The following ARHGAP22 variants were observed in gnomAD, a reference collection of about 807,000 sequenced individuals.
The protein encoded by ARHGAP22 is Rho GTPase activating protein 22.
ARHGAP22 carries 48 observed loss-of-function variants against 59.1 expected under a neutral mutation model. The observed-to-expected ratio is 0.81, with a 90% CI of 0.64 to 1.03. The LOEUF (loss-of-function observed/expected upper bound fraction) is 1.03, where lower values mean the gene tolerates loss of function less well. Among genes scored for constraint, ARHGAP22 ranks in the 50% least tolerant of loss-of-function variants. The pLI is 0.00. For synonymous variants in ARHGAP22, 445 were observed against 416.4 expected, an observed-to-expected ratio of 1.07 and a Z score of -0.84; for missense variants, 1,015 against 958.7, an observed-to-expected ratio of 1.06 and a Z score of -0.78.
intron 4 of ARHGAP22, among the ~76,000 whole-genome samples, chr10:48,462,079 C>T (rs1486731102): frequency 2.6e-5 from 4 of 152,252 alleles, no homozygotes; most frequent in Non-Finnish European, 1.5e-5. Context: ...GTGGGCTACA[C>T]CTGCTGGATA....
At chr10:48,521,855 C>T (rs954354484) in intron 3 of ARHGAP22, among the ~76,000 whole-genome samples, 1 of 152,226 alleles carries the variant, frequency 6.6e-6, no homozygotes, top group Non-Finnish European at 1.5e-5. Context: ...ACCTCCAATC[C>T]ACCTGACTTA....
intron 1 of ARHGAP22, among the ~76,000 whole-genome samples, chr10:48,638,442 T>C (rs2061914349): frequency 6.6e-6 from 1 of 152,052 alleles, no homozygotes; most frequent in South Asian, 2.1e-4. Flanking sequence ...TGAAGGGCCC[T>C]GGCTTCTGCA....
intron 3 of ARHGAP22, chr10:48,524,093 GCA>G (rs1411280232): frequency 2.1e-6 from 3 of 1,425,036 alleles, no homozygotes; most frequent in East Asian, 3.0e-5. Context: ...CCTTGCAGCA[GCA>G]CAGCCCCATG....
At chr10:48,526,004 G>A (rs1197767802) in intron 3 of ARHGAP22, among the ~76,000 whole-genome samples, 1 of 152,210 alleles carries the variant, frequency 6.6e-6, no homozygotes, top group Non-Finnish European at 1.5e-5. Context: ...GCTTCTTCAT[G>A]TAAGGTTCTT....
chr10:48,535,695 G>A (rs560694721), intron 3 of ARHGAP22, among the ~76,000 whole-genome samples: 220 of 152,352 alleles, frequency 1.4e-3, no homozygotes, highest in African/African-American at 5.1e-3. Flanking sequence ...ACCCAAGCTG[G>A]TGCGTTGCCA....
chr10:48,618,670 C>G (rs1315223980), intron 1 of ARHGAP22, among the ~76,000 whole-genome samples: 1 of 151,940 alleles, frequency 6.6e-6, no homozygotes, highest in Non-Finnish European at 1.5e-5. Flanking sequence ...AAATTCTCAA[C>G]AAGTTAGGTA....
chr10:48,444,847 C>A (rs1056140686), downstream of ARHGAP22: 1 of 152,216 alleles, frequency 6.6e-6, no homozygotes, highest in African/African-American at 2.4e-5. Context: ...CTCCTATTCT[C>A]TTCTCTCTCC....
At chr10:48,478,845 C>G (rs574566685) in intron 4 of ARHGAP22, among the ~76,000 whole-genome samples, 2 of 152,316 alleles carry the variant, frequency 1.3e-5, no homozygotes, top group Non-Finnish European at 2.9e-5. Flanking sequence ...ATGCCCACCC[C>G]ATGGACTCTC....
At chr10:48,512,456 A>T (rs571148484) in intron 3 of ARHGAP22, among the ~76,000 whole-genome samples, 92 of 152,392 alleles carry the variant, frequency 6.0e-4, no homozygotes, top group Non-Finnish European at 1.2e-3. Context: ...TGCTTAAAAC[A>T]GGGCTTGACG....
intron 1 of ARHGAP22, among the ~76,000 whole-genome samples, chr10:48,594,532 T>C (rs575839100): frequency 3.3e-5 from 5 of 152,304 alleles, no homozygotes; most frequent in Admixed American, 1.3e-4. Context: ...TTCTCTTGAA[T>C]CCCTTTTCCT....
chr10:48,595,564 C>T (rs926349978), intron 1 of ARHGAP22, among the ~76,000 whole-genome samples: 1 of 152,068 alleles, frequency 6.6e-6, no homozygotes, highest in Admixed American at 6.5e-5. Context: ...TGCTGTATCA[C>T]CTAGGCTGGA....
At chr10:48,630,888 A>G (rs528197363) in intron 1 of ARHGAP22, among the ~76,000 whole-genome samples, 5 of 152,366 alleles carry the variant, frequency 3.3e-5, no homozygotes, top group African/African-American at 1.2e-4. Context: ...AGTTTCTCAC[A>G]ATTAAGTATA....
At chr10:48,473,558 G>A (rs1188519532) in intron 4 of ARHGAP22, among the ~76,000 whole-genome samples, 2 of 118,652 alleles carry the variant, frequency 1.7e-5, no homozygotes, top group Non-Finnish European at 3.5e-5. Flanking sequence ...GGACTATTTA[G>A]TACTCAGAGA....
intron 3 of ARHGAP22, among the ~76,000 whole-genome samples, chr10:48,482,184 C>G (rs2049391581): frequency 6.6e-6 from 1 of 152,164 alleles, no homozygotes; most frequent in Admixed American, 6.5e-5. Flanking sequence ...ATCTTTACTT[C>G]ATCTAAGGCC....
intron 1 of ARHGAP22, 54 bp from the exon 2 acceptor site, chr10:48,583,206 T>G: frequency 1.3e-6 from 2 of 1,563,616 alleles, no homozygotes; most frequent in Non-Finnish European, 1.7e-6. Context: ...CTGCTATCAG[T>G]CCTGCCCCCA....
intron 3 of ARHGAP22, among the ~76,000 whole-genome samples, chr10:48,482,610 T>G (rs116912835): frequency 6.6e-6 from 1 of 152,208 alleles, no homozygotes; most frequent in African/African-American, 2.4e-5. Context: ...CTTAATCAGG[T>G]TGAGAAAGTT....
chr10:48,446,446 A>G lies in ARHGAP22; in HGVS notation c.2042T>C (p.Phe681Ser), dbSNP rs1370787724. The change falls in exon 10 of 10, where the codon TTT becomes TCT. Residue 681 changes from phenylalanine (F) to serine (S), a missense_variant. Transcript: ENST00000249601. The stretch of plus-strand genomic sequence containing the variant: ...AACAGTCAAGCTTCCTAGGGTCGAA[A>G]AAAACTCCTCCATTTCCCTCTGCAA... ...QLLQREMEEF[F>S]STLGSLTVGA... 1.2e-6 allele frequency: 2 copies of G among 1,614,160 alleles called. No homozygotes were observed. Among genetic ancestry groups the G allele is most frequent in the Admixed American group, 1.7e-5 (1 of 60,018 alleles).
intron 1 of ARHGAP22, 106 bp from the exon 2 acceptor site, chr10:48,583,258 C>T: frequency 1.5e-6 from 2 of 1,333,106 alleles, no homozygotes; most frequent in Admixed American, 4.2e-5. Flanking sequence ...CATGGGAGCC[C>T]AGGCCAGCAG....
At chr10:48,455,198 G>A in intron 5 of ARHGAP22, 64 bp from the exon 6 acceptor site, 1 of 1,502,912 alleles carries the variant, frequency 6.7e-7, no homozygotes, top group Non-Finnish European at 8.9e-7. Context: ...GGGGTGACTG[G>A]TACGCCCTGA....
Sources: allele counts gnomAD v4.1 joint callset (sites outside exome capture counted in the v4.1 genomes callset), GRCh38; gene constraint gnomAD v4.1.1; transcripts MANE v1.5; gene names NCBI Gene and HGNC (gene_info 2026-07-23, HGNC 2026-07-21).